The following GRID2 variants were observed in gnomAD, a reference collection of about 807,000 sequenced individuals.
The protein encoded by GRID2 is glutamate receptor ionotropic, delta-2.
GRID2 carries 33 observed loss-of-function variants against 114.8 expected under a neutral mutation model. That is an observed-to-expected ratio of 0.29 (90% confidence interval 0.22 to 0.38). The LOEUF is 0.38. GRID2 is among the 10% of genes least tolerant of loss of function. The probability of loss-of-function intolerance (pLI) is 1.00; values close to 1 mark genes in which losing one functional copy is unlikely to be tolerated. For synonymous variants in GRID2, 505 were observed against 449.9 expected (o/e 1.12, Z -1.55); for missense variants, 1,184 against 1,257.7 (o/e 0.94, Z 0.89).
chr4:93,552,682 G>A (rs1030208411), intron 13 of GRID2, among the ~76,000 whole-genome samples: 52 of 152,164 alleles, frequency 3.4e-4, no homozygotes, highest in African/African-American at 1.1e-3. Flanking sequence ...TGTGCACAAC[G>A]TGCAGGTTTG....
At chr4:93,206,385 A>G (rs1477643069) in intron 4 of GRID2, among the ~76,000 whole-genome samples, 2 of 152,136 alleles carry the variant, frequency 1.3e-5, no homozygotes, top group Admixed American at 6.6e-5. Context: ...TTCACCTTCT[A>G]TAACAACTCC....
intron 12 of GRID2, among the ~76,000 whole-genome samples, chr4:93,508,229 G>C (rs1263478184): frequency 1.3e-4 from 19 of 141,502 alleles, no homozygotes; most frequent in African/African-American, 5.0e-4. Flanking sequence ...ACGGAGTCTT[G>C]GTCTGTAGCC....
intron 2 of GRID2, among the ~76,000 whole-genome samples, chr4:92,965,433 C>A (rs1753076231): frequency 1.2e-5 from 1 of 84,028 alleles, no homozygotes; most frequent in African/African-American, 4.2e-5. Context: ...ACAGGGTTGC[C>A]ATAAACATTC....
At chr4:92,361,118 A>T (rs1351308398) in intron 1 of GRID2, among the ~76,000 whole-genome samples, 1 of 152,008 alleles carries the variant, frequency 6.6e-6, no homozygotes, top group Non-Finnish European at 1.5e-5. Context: ...AAACTCCATT[A>T]GGTTAGGTAC....
intron 3 of GRID2, among the ~76,000 whole-genome samples, chr4:93,109,920 T>C (rs779419956): frequency 1.3e-5 from 2 of 152,148 alleles, no homozygotes; most frequent in Non-Finnish European, 2.9e-5. Flanking sequence ...CTCTTTAGAT[T>C]GAATTTTACT....
chr4:92,805,133 T>C (rs1169363355), intron 2 of GRID2, among the ~76,000 whole-genome samples: 1 of 152,030 alleles, frequency 6.6e-6, no homozygotes, highest in Non-Finnish European at 1.5e-5. Context: ...AGAAACAGAT[T>C]AAATTTGCTT....
At chr4:93,114,771 G>A (rs1263724089) in intron 4 of GRID2, among the ~76,000 whole-genome samples, 1 of 152,122 alleles carries the variant, frequency 6.6e-6, no homozygotes, top group Non-Finnish European at 1.5e-5. Flanking sequence ...TCAAAAGACA[G>A]GCAGAACTAA....
At chr4:93,402,784 TA>T (rs1396626598) in intron 9 of GRID2, among the ~76,000 whole-genome samples, 1 of 152,148 alleles carries the variant, frequency 6.6e-6, no homozygotes, top group African/African-American at 2.4e-5. Context: ...TTATCTCATA[TA>T]AACTGTGTTT....
At chr4:93,191,184 A>T (rs905681263) in intron 4 of GRID2, among the ~76,000 whole-genome samples, 2 of 152,052 alleles carry the variant, frequency 1.3e-5, no homozygotes, top group African/African-American at 4.8e-5. Context: ...TTTTAGCACA[A>T]AAAATAGCAA....
chr4:93,682,529 G>C (rs368564911), intron 14 of GRID2, among the ~76,000 whole-genome samples: 12 of 151,840 alleles, frequency 7.9e-5, no homozygotes, highest in South Asian at 2.1e-4. Context: ...TTGGAACCAA[G>C]CCAAATGTCC....
chr4:93,591,496 G>A (rs373417366), intron 13 of GRID2, among the ~76,000 whole-genome samples: 4 of 152,114 alleles, frequency 2.6e-5, no homozygotes, highest in Non-Finnish European at 5.9e-5. Flanking sequence ...ATGTTCATCA[G>A]GGATATGGGT....
At chr4:92,476,669 A>G (rs1439821199) in intron 1 of GRID2, among the ~76,000 whole-genome samples, 1 of 152,158 alleles carries the variant, frequency 6.6e-6, no homozygotes, top group African/African-American at 2.4e-5. Flanking sequence ...ATAACCACTA[A>G]CTAAAGAAAA....
chr4:92,314,513 GAT>G (rs1277775281), intron 1 of GRID2, among the ~76,000 whole-genome samples: 2 of 151,982 alleles, frequency 1.3e-5, no homozygotes, highest in Non-Finnish European at 2.9e-5. Context: ...GGACAAAAAG[GAT>G]ATATGTGTTG....
chr4:93,130,105 T>A lies in GRID2; in HGVS notation c.735+19152T>A, dbSNP rs62308217. Among the ~76,000 whole-genome samples, 150 of 152,282 alleles carry A rather than the reference T, an allele frequency of 9.9e-4. 1 individual carries two copies. The highest frequency in any genetic ancestry group is 1.7e-3 in the Non-Finnish European group (115 of 68,026). On this transcript the variant is annotated intron_variant, in intron 4 of 15. Coordinates refer to ENST00000282020, the MANE Select transcript of GRID2 (RefSeq NM_001510.4). ...AATACTGTTGTTTTAATTATCCAGG[T>A]TGAGAATTAGACAGGCGGGAGACCC...
chr4:93,240,541 A>T (rs142487528), intron 8 of GRID2, among the ~76,000 whole-genome samples: 8 of 147,540 alleles, frequency 5.4e-5, no homozygotes, highest in Non-Finnish European at 4.6e-5. Flanking sequence ...AATTTTTGCC[A>T]GTTTTGTTTT....
At chr4:93,621,635 G>A (rs973834568) in intron 13 of GRID2, among the ~76,000 whole-genome samples, 16 of 152,120 alleles carry the variant, frequency 1.1e-4, no homozygotes, top group African/African-American at 3.9e-4. Context: ...TCTGTTGAAA[G>A]GTGACTTCAG....
chr4:93,226,734 T>C (rs1351732461), intron 7 of GRID2, among the ~76,000 whole-genome samples: 2 of 152,182 alleles, frequency 1.3e-5, no homozygotes, highest in Non-Finnish European at 2.9e-5. Context: ...TTACTCAACA[T>C]TGTCTTAGTA....
At chr4:93,175,952 A>G (rs920046695) in intron 4 of GRID2, among the ~76,000 whole-genome samples, 1 of 152,148 alleles carries the variant, frequency 6.6e-6, no homozygotes, top group Admixed American at 6.6e-5. Flanking sequence ...TCTTTCTCAG[A>G]CAGTCATGAG....
chr4:92,626,299 A>G (rs1730518568), intron 2 of GRID2, among the ~76,000 whole-genome samples: 1 of 151,998 alleles, frequency 6.6e-6, no homozygotes, highest in Non-Finnish European at 1.5e-5. Flanking sequence ...CATTAAGTAT[A>G]ATATTGTTAA....
Sources: gnomAD v4.1 joint callset for allele counts (sites outside exome capture counted in the v4.1 genomes callset) on GRCh38, gnomAD v4.1.1 for gene constraint, MANE v1.5 for transcripts, NCBI Gene and HGNC (gene_info 2026-07-23, HGNC 2026-07-21) for gene names.